Variants in GABRA3 observed in about 807,000 individuals in gnomAD.
GABRA3 encodes the protein gamma-aminobutyric acid receptor subunit alpha-3.
Under a neutral mutation model 30.1 loss-of-function variants are expected in GABRA3, and 10 were observed. The ratio of observed to expected loss-of-function variants is 0.33; its 90% confidence interval spans 0.20 to 0.56. GABRA3 has a LOEUF of 0.56. Among genes scored for constraint, GABRA3 ranks in the 20% least tolerant of loss-of-function variants. GABRA3 has a pLI of 0.89. For synonymous variants in GABRA3, 151 were observed against 146.8 expected (o/e 1.03, Z -0.21); for missense variants, 233 against 392.0 (o/e 0.59, Z 3.42).
intron 5 of GABRA3, among the ~76,000 whole-genome samples, chrX:152,230,229 G>C (rs1301185788): frequency 3.6e-5 from 4 of 111,577 alleles, no homozygotes; most frequent in Non-Finnish European, 7.5e-5. Context: ...AGGATAAATT[G>C]TATGACATGT....
intron 1 of GABRA3, among the ~76,000 whole-genome samples, chrX:152,409,952 A>C (rs1239892026): frequency 8.9e-6 from 1 of 112,918 alleles, no homozygotes; most frequent in East Asian, 2.8e-4. Flanking sequence ...CAAAATAGAG[A>C]ATCAACCTAA....
chrX:152,249,567 T>C (rs1186342739), intron 5 of GABRA3, among the ~76,000 whole-genome samples: 1 of 110,733 alleles, frequency 9.0e-6, no homozygotes, highest in Non-Finnish European at 1.9e-5. Flanking sequence ...CCTACACTGC[T>C]CCCAGAGTGA....
intron 3 of GABRA3, among the ~76,000 whole-genome samples, chrX:152,294,774 C>T (rs1939494752): frequency 9.0e-6 from 1 of 111,595 alleles, no homozygotes; most frequent in Admixed American, 9.5e-5. Flanking sequence ...TTTTATCTAC[C>T]TTTGGTCTTT....
intron 1 of GABRA3, among the ~76,000 whole-genome samples, chrX:152,438,852 A>AT (rs1225554652): frequency 1.8e-5 from 2 of 111,164 alleles, no homozygotes; most frequent in African/African-American, 6.5e-5. Flanking sequence ...ATAACAGGAG[A>AT]TTTTTTAGGG....
intron 3 of GABRA3, among the ~76,000 whole-genome samples, chrX:152,323,520 C>T (rs1940003706): frequency 9.0e-6 from 1 of 111,559 alleles, no homozygotes; most frequent in African/African-American, 3.3e-5. Context: ...TGTGAAAGTG[C>T]CCTGCCAGCA....
At chrX:152,241,923 A>G (rs1420472651) in intron 5 of GABRA3, among the ~76,000 whole-genome samples, 1 of 111,090 alleles carries the variant, frequency 9.0e-6, no homozygotes, top group African/African-American at 3.3e-5. Flanking sequence ...CTAGTTAGAT[A>G]AACCCGGTAC....
intron 4 of GABRA3, among the ~76,000 whole-genome samples, chrX:152,260,768 G>A (rs1166367261): frequency 9.0e-6 from 1 of 110,624 alleles, no homozygotes; most frequent in Non-Finnish European, 1.9e-5. Context: ...AAAAAGGAGG[G>A]GTACAAACAA....
At chrX:152,418,400 T>C (rs1930288322) in intron 1 of GABRA3, among the ~76,000 whole-genome samples, 1 of 111,486 alleles carries the variant, frequency 9.0e-6, no homozygotes, top group Admixed American at 9.5e-5. Context: ...AATTTGGAAA[T>C]TAAGCAAATT....
At chrX:152,296,532 T>C (rs1939531141) in intron 3 of GABRA3, among the ~76,000 whole-genome samples, 2 of 111,634 alleles carry the variant, frequency 1.8e-5, no homozygotes, top group Non-Finnish European at 3.8e-5. Context: ...ATCTAGGCTC[T>C]GCAATAGACT....
Position 152,451,138 on chromosome X carries a change from T to C in GABRA3, c.-27+8A>G, listed in dbSNP as rs1931211951. 9.0e-6 allele frequency: 1 copy of C among 111,591 alleles called. No individual in the cohort carries two copies. Among genetic ancestry groups the C allele is most frequent in the Admixed American group, 9.5e-5 (1 of 10,551 alleles). 9.2% of individuals were successfully genotyped at this position (111,591 alleles called of 1,213,427 possible). A position where few individuals can be genotyped will look rare whatever the true frequency, so the allele number is the denominator to read the frequency against. Reference sequence around the variant, plus strand: ...GGAGGGGGAAGAAGGAACATCAATGTTTCTTACCGAGCTCTACAGTCTGAG... The same window carrying C: ...GGAGGGGGAAGAAGGAACATCAATGCTTCTTACCGAGCTCTACAGTCTGAG... On this transcript the variant is annotated splice_region_variant and intron_variant, in intron 1 of 9. Transcript: ENST00000370314.
At chrX:152,360,355 C>T (rs1238239626) in intron 2 of GABRA3, among the ~76,000 whole-genome samples, 1 of 87,003 alleles carries the variant, frequency 1.1e-5, no homozygotes, top group African/African-American at 4.3e-5. Context: ...TAATGATTGC[C>T]ATTCTAACTG....
rs745962362 is a variant in GABRA3 at position 152,224,380 on chromosome X, C to G, written c.634+383G>C. 6.0e-4 allele frequency among the ~76,000 whole-genome samples: 67 copies of G among 111,820 alleles called. No individual in the cohort carries two copies. The Middle Eastern group carries it at 0.014, about 23-fold the overall frequency. ...TATATGAAGATGCAGGTAGAATACG[C>G]ACTTCAAAAAATCTAACCACATTCT... On this transcript the variant is annotated intron_variant, in intron 6 of 9. Coordinates refer to ENST00000370314, the MANE Select transcript of GABRA3 (RefSeq NM_000808.4).
At chrX:152,241,852 C>T (rs938462892) in intron 5 of GABRA3, among the ~76,000 whole-genome samples, 27 of 111,875 alleles carry the variant, frequency 2.4e-4, no homozygotes, top group African/African-American at 7.5e-4. Flanking sequence ...AATGCCTCGC[C>T]CTGCTTGGGC....
chrX:152,371,108 A>G (rs1928826142), intron 1 of GABRA3, among the ~76,000 whole-genome samples: 1 of 111,168 alleles, frequency 9.0e-6, no homozygotes, highest in South Asian at 3.8e-4. Flanking sequence ...GCACCTTAAT[A>G]TATCTGGAAA....
chrX:152,363,085 T>C (rs1437738428), intron 2 of GABRA3, among the ~76,000 whole-genome samples: 1 of 111,581 alleles, frequency 9.0e-6, no homozygotes, highest in East Asian at 2.8e-4. Context: ...GGCATTTACA[T>C]ATATAAGGTA....
intron 1 of GABRA3, among the ~76,000 whole-genome samples, chrX:152,384,683 T>C (rs1929247505): frequency 2.7e-5 from 3 of 112,272 alleles, no homozygotes; most frequent in Admixed American, 1.9e-4. Context: ...ATGAACTTCT[T>C]CACAGAGTAA....
chrX:152,411,831 G>C (rs955617609), intron 1 of GABRA3, among the ~76,000 whole-genome samples: 1 of 111,088 alleles, frequency 9.0e-6, no homozygotes, highest in African/African-American at 3.3e-5. Context: ...ATCTGCAGTG[G>C]GTCTAGTACC....
At chrX:152,263,302 G>A (rs967382943) in intron 4 of GABRA3, among the ~76,000 whole-genome samples, 9 of 110,914 alleles carry the variant, frequency 8.1e-5, no homozygotes. Flanking sequence ...CAAAGTAACT[G>A]TGTTGAGGAA....
At chrX:152,393,114 G>C (rs961463232) in intron 1 of GABRA3, among the ~76,000 whole-genome samples, 3 of 112,134 alleles carry the variant, frequency 2.7e-5, no homozygotes, top group Non-Finnish European at 1.9e-5. Flanking sequence ...TACCAAAACG[G>C]ATATGGTTGG....
Sources: allele counts gnomAD v4.1 joint callset (sites outside exome capture counted in the v4.1 genomes callset), GRCh38; gene constraint gnomAD v4.1.1; transcripts MANE v1.5; gene names NCBI Gene and HGNC (gene_info 2026-07-23, HGNC 2026-07-21).